C19orf38: variants seen among roughly 807,000 people sequenced by gnomAD.
C19orf38 encodes protein HIDE1.
C19orf38 carries 14 observed loss-of-function variants against 26.6 expected under a neutral mutation model. The ratio of observed to expected loss-of-function variants is 0.53; its 90% confidence interval spans 0.35 to 0.82. The LOEUF is 0.82. Among genes scored for constraint, C19orf38 ranks in the 40% least tolerant of loss-of-function variants. C19orf38 has a pLI of 0.01. For missense variants in C19orf38, 261 were observed against 299.5 expected (o/e 0.87, Z 0.95); for synonymous variants, 132 against 128.5 (o/e 1.03, Z -0.18).
At position 10,856,368 on chromosome 19, in the gene C19orf38, G is replaced by T. The variant is rs763489783; in HGVS notation, c.433+11G>T. ...TGGTGGTCAGAAAAGGTAACAGCAC[G>T]CAAAGCCTGGCACACAAGTTGCCAG... On this transcript the variant is annotated intron_variant, in intron 3 of 6. Transcript: ENST00000397820. 2 of 1,546,674 alleles carry T rather than the reference G, an allele frequency of 1.3e-6. No homozygotes were observed. The highest frequency in any genetic ancestry group is 1.8e-6 in the Non-Finnish European group (2 of 1,142,656).
At chr19:10,854,037 A>G (rs991635124) in intron 2 of C19orf38, among the ~76,000 whole-genome samples, 2 of 150,548 alleles carry the variant, frequency 1.3e-5, no homozygotes, top group Admixed American at 6.7e-5. Context: ...TGGGTGACAG[A>G]GGGAGACCCT....
chr19:10,861,896 T>C (rs1272117022), intron 5 of C19orf38, among the ~76,000 whole-genome samples: 2 of 151,216 alleles, frequency 1.3e-5, no homozygotes, highest in African/African-American at 2.4e-5. Context: ...GTTGTTGTTG[T>C]TTTTTGTTTG....
chr19:10,863,339 A>G, intron 6 of C19orf38, 132 bp downstream of exon 6: 1 of 1,051,716 alleles, frequency 9.5e-7, no homozygotes. Flanking sequence ...GGAAAAGCCC[A>G]GAATCACTGA....
At chr19:10,853,653 G>C (rs1339115361) in intron 2 of C19orf38, among the ~76,000 whole-genome samples, 1 of 134,366 alleles carries the variant, frequency 7.4e-6, no homozygotes, top group Non-Finnish European at 1.6e-5. Context: ...ACAGTGGCAC[G>C]ATCTCGGCTC....
chr19:10,857,364 A>ATTTTTTT (rs1484640109), intron 3 of C19orf38, among the ~76,000 whole-genome samples: 93 of 78,164 alleles, frequency 1.2e-3, no homozygotes, highest in African/African-American at 8.9e-3. Context: ...ATATATATAT[A>ATTTTTTT]TATTTTTTTT....
chr19:10,838,388 C>T (rs2073453073), intron 1 of C19orf38, among the ~76,000 whole-genome samples: 1 of 152,076 alleles, frequency 6.6e-6, no homozygotes, highest in African/African-American at 2.4e-5. Flanking sequence ...CCAGCCTGGG[C>T]GACAGAGCAG....
chr19:10,846,200 T>G (rs2073515560), upstream of C19orf38, among the ~76,000 whole-genome samples: 1 of 151,188 alleles, frequency 6.6e-6, no homozygotes, highest in African/African-American at 2.4e-5. Flanking sequence ...AATGTTTTTT[T>G]GTTGTTTTTT....
At chr19:10,841,658 G>A (rs2073478425) in intron 1 of C19orf38, among the ~76,000 whole-genome samples, 1 of 151,680 alleles carries the variant, frequency 6.6e-6, no homozygotes, top group African/African-American at 2.4e-5. Flanking sequence ...TATTTACTGA[G>A]CCTCTGACAG....
At chr19:10,837,416 A>T (rs73923290) in intron 1 of C19orf38, among the ~76,000 whole-genome samples, 2,226 of 149,650 alleles carry the variant, frequency 0.015, 58 homozygotes, top group African/African-American at 0.052. Context: ...TCTATCATTT[A>T]CACTCACTGC....
rs933676170 is a variant in C19orf38 at position 10,869,247 on chromosome 19, C to T, written c.573C>T (p.Thr191=). The T allele has an allele frequency of 1.5e-5, 24 of 1,551,678 alleles. No homozygotes were observed. Among genetic ancestry groups the T allele is most frequent in the South Asian group, 2.4e-5 (2 of 84,056 alleles). ...AKTMPEEDPA[T]LDDHSGTTAT... is the part of the protein sequence containing the mutation. ...CGATGCCAGAAGAAGACCCGGCCACCTTGGATGATCACTCAGGCACCACTG... is the reference window on the plus strand; with the variant it reads ...CGATGCCAGAAGAAGACCCGGCCACTTTGGATGATCACTCAGGCACCACTG... The change falls in exon 7 of 7, where the codon ACC becomes ACT. Residue 191 remains threonine (T), a synonymous_variant. Coordinates refer to ENST00000397820, the MANE Select transcript of C19orf38 (RefSeq NM_001136482.3).
At chr19:10,867,762 C>T (rs2073766777) in intron 6 of C19orf38, among the ~76,000 whole-genome samples, 2 of 145,386 alleles carry the variant, frequency 1.4e-5, no homozygotes, top group South Asian at 2.3e-4. Flanking sequence ...CAGCGATTCT[C>T]CTGCCTCAGC....
intron 1 of C19orf38, chr19:10,841,791 A>T: frequency 1.0e-6 from 1 of 984,610 alleles, no homozygotes; most frequent in Non-Finnish European, 1.6e-6. Flanking sequence ...TGGGCAGCAT[A>T]GTGAGATCCC....
Position 10,869,446 on chromosome 19 carries a change from G to T in C19orf38, c.*79G>T. 1 of 1,443,304 alleles carries T rather than the reference G, an allele frequency of 6.9e-7. No individual in the cohort carries two copies. The highest frequency in any genetic ancestry group is 9.2e-7 in the Non-Finnish European group (1 of 1,091,130). 89.4% of individuals were successfully genotyped at this position (1,443,304 alleles called of 1,614,324 possible). A position where few individuals can be genotyped will look rare whatever the true frequency, so the allele number is the denominator to read the frequency against. On this transcript the variant is annotated 3_prime_UTR_variant, in exon 7 of 7. Transcript: ENST00000397820. ...CTCCAGCTACTTCTGGGGGGGCTCTGTCAGCCACTTTCTCAGGGAATTGGA... is the reference window on the plus strand; with the variant it reads ...CTCCAGCTACTTCTGGGGGGGCTCTTTCAGCCACTTTCTCAGGGAATTGGA...
intron 5 of C19orf38, among the ~76,000 whole-genome samples, chr19:10,860,313 C>T (rs544809109): frequency 6.6e-6 from 1 of 151,894 alleles, no homozygotes; most frequent in East Asian, 1.9e-4. Context: ...GCAGGCAGAT[C>T]ACGAGGTCAG....
intron 6 of C19orf38, 23 bp downstream of exon 6, chr19:10,863,230 A>T (rs1412731319): frequency 6.5e-7 from 1 of 1,549,408 alleles, no homozygotes; most frequent in Non-Finnish European, 8.7e-7. Context: ...TTTTCTTGGA[A>T]CCGGTTTTCT....
intron 4 of C19orf38, among the ~76,000 whole-genome samples, chr19:10,859,366 ATATATATATATATATATATT>A (rs1191341928): frequency 6.5e-4 from 32 of 48,898 alleles, no homozygotes; most frequent in African/African-American, 2.9e-3. Context: ...ATATATATAT[ATATATATATATATATATATT>A]TTTTTTTTTT....
intron 1 of C19orf38, among the ~76,000 whole-genome samples, chr19:10,838,840 G>A (rs894639533): frequency 1.3e-5 from 2 of 152,060 alleles, no homozygotes; most frequent in Non-Finnish European, 2.9e-5. Context: ...TGAATTTCTG[G>A]TATCTGCTAA....
At chr19:10,848,276 C>T (rs887948437), upstream of C19orf38, 12 of 526,120 alleles carry the variant, frequency 2.3e-5, no homozygotes, top group Admixed American at 3.0e-5. Context: ...TCTGCAGAAC[C>T]GCAACCAGAG....
chr19:10,865,980 T>C (rs2073747318), intron 6 of C19orf38, among the ~76,000 whole-genome samples: 1 of 151,632 alleles, frequency 6.6e-6, no homozygotes, highest in Non-Finnish European at 1.5e-5. Flanking sequence ...GCCCAGCTAG[T>C]TTATTTTTAT....
Sources: gnomAD v4.1 joint callset for allele counts (sites outside exome capture counted in the v4.1 genomes callset) on GRCh38, gnomAD v4.1.1 for gene constraint, MANE v1.5 for transcripts, NCBI Gene and HGNC (gene_info 2026-07-23, HGNC 2026-07-21) for gene names.